The following IFNGR2 variants were observed in gnomAD, a reference collection of about 807,000 sequenced individuals.
IFNGR2 encodes the protein IFN-gamma receptor 2.
A neutral mutation model predicts 41.1 loss-of-function variants in IFNGR2; 15 were observed. That is an observed-to-expected ratio of 0.37 (90% CI 0.24 to 0.56). The LOEUF (loss-of-function observed/expected upper bound fraction) is 0.56. IFNGR2 is among the 20% of genes least tolerant of loss of function. The pLI is 0.81. For missense variants in IFNGR2, 362 were observed against 415.7 expected (o/e 0.87, Z 1.12); for synonymous variants, 161 against 171.6 (o/e 0.94, Z 0.48).
At chr21:33,427,287 G>T (rs2083846682) in intron 4 of IFNGR2, among the ~76,000 whole-genome samples, 1 of 152,110 alleles carries the variant, frequency 6.6e-6, no homozygotes, top group Non-Finnish European at 1.5e-5. Context: ...CCCTTGTGTG[G>T]GGTTGAGACT....
At chr21:33,425,688 G>C (rs2083830482) in intron 3 of IFNGR2, among the ~76,000 whole-genome samples, 1 of 152,212 alleles carries the variant, frequency 6.6e-6, no homozygotes, top group South Asian at 2.1e-4. Context: ...CTGGTGGTGG[G>C]CCAGGCCTGA....
upstream of IFNGR2, chr21:33,403,079 C>G (rs2083650925): frequency 6.9e-6 from 1 of 145,900 alleles, no homozygotes; most frequent in African/African-American, 2.6e-5. Context: ...CGATCAAGCA[C>G]CCGAGAGGAG....
intron 4 of IFNGR2, among the ~76,000 whole-genome samples, chr21:33,427,422 AAC>A (rs1236073897): frequency 6.6e-6 from 1 of 152,188 alleles, no homozygotes; most frequent in Non-Finnish European, 1.5e-5. Flanking sequence ...TAAATGTTTG[AAC>A]AGTTTGTGAA....
intron 2 of IFNGR2, 142 bp from the exon 3 acceptor site, chr21:33,421,331 CAAAAAAA>C (rs569309072): frequency 1.9e-5 from 9 of 461,932 alleles, no homozygotes; most frequent in African/African-American, 1.5e-4. Flanking sequence ...AACTCCATCT[CAAAAAAA>C]AAAAAAAAAA....
intron 4 of IFNGR2, among the ~76,000 whole-genome samples, chr21:33,429,089 G>A (rs1450382329): frequency 2.6e-5 from 4 of 152,146 alleles, no homozygotes; most frequent in Admixed American, 6.5e-5. Flanking sequence ...CAGCTTCCTC[G>A]TGTATAAAAT....
chr21:33,431,939 G>A (rs532087824), intron 4 of IFNGR2, among the ~76,000 whole-genome samples: 3 of 152,262 alleles, frequency 2.0e-5, no homozygotes, highest in Admixed American at 1.3e-4. Context: ...TACTACAATG[G>A]GCACTCTGAG....
At chr21:33,423,329 G>A (rs981300668) in intron 3 of IFNGR2, among the ~76,000 whole-genome samples, 15 of 149,642 alleles carry the variant, frequency 1.0e-4, no homozygotes, top group African/African-American at 2.5e-4. Flanking sequence ...GTGAGCCACC[G>A]CACCCAGCCT....
At chr21:33,405,166 C>T (rs1278616980) in intron 1 of IFNGR2, among the ~76,000 whole-genome samples, 1 of 150,582 alleles carries the variant, frequency 6.6e-6, no homozygotes, top group Admixed American at 6.6e-5. Flanking sequence ...GTGGCTAGAA[C>T]ATTCTTGTGT....
In IFNGR2 at chr21:33,409,673, C is replaced by T. The variant is rs534171891; in HGVS notation, c.74-5215C>T. 4.4e-4 allele frequency among the ~76,000 whole-genome samples: 67 copies of T among 152,250 alleles called. 1 individual carries two copies. The highest frequency in any genetic ancestry group is 2.9e-3 in the Admixed American group (45 of 15,290). On this transcript the variant is annotated intron_variant, in intron 1 of 6. Transcript: ENST00000290219. The stretch of plus-strand genomic sequence containing the variant: ...TTTCTGTAAAGAACTAGACAGTATG[C>T]ACTCAGATGGTTACAGAAGTTTGAT...
At chr21:33,436,235 A>G (rs1189846178) in intron 6 of IFNGR2, among the ~76,000 whole-genome samples, 4 of 150,784 alleles carry the variant, frequency 2.7e-5, no homozygotes, top group Non-Finnish European at 5.9e-5. Context: ...CATGCCTGTA[A>G]TCCCAGCTAC....
chr21:33,427,805 G>A (rs1162131338), intron 4 of IFNGR2, among the ~76,000 whole-genome samples: 6 of 149,670 alleles, frequency 4.0e-5, no homozygotes, highest in African/African-American at 7.4e-5. Flanking sequence ...TTTGTGTTTG[G>A]CTCTGGGCCA....
At chr21:33,429,169 C>T (rs1190118381) in intron 4 of IFNGR2, among the ~76,000 whole-genome samples, 1 of 152,176 alleles carries the variant, frequency 6.6e-6, no homozygotes, top group Non-Finnish European at 1.5e-5. Context: ...TCCCTTTCCT[C>T]CATTTGACCA....
At chr21:33,426,643 C>T (rs2083838141) in intron 3 of IFNGR2, among the ~76,000 whole-genome samples, 1 of 151,806 alleles carries the variant, frequency 6.6e-6, no homozygotes, top group Admixed American at 6.6e-5. Flanking sequence ...TTGCTTGAGC[C>T]CGGGAGGTGG....
chr21:33,415,691 G>A (rs987620761), intron 2 of IFNGR2, among the ~76,000 whole-genome samples: 7 of 152,220 alleles, frequency 4.6e-5, no homozygotes, highest in Admixed American at 1.3e-4. Context: ...ACATGATGAT[G>A]TCCAGTGCTT....
intron 4 of IFNGR2, among the ~76,000 whole-genome samples, chr21:33,429,968 A>C (rs1033142670): frequency 1.3e-5 from 2 of 152,112 alleles, no homozygotes; most frequent in African/African-American, 2.4e-5. Context: ...GTGAAAACCC[A>C]TCTCTACTAA....
chr21:33,407,852 C>CG (rs1555878979), intron 1 of IFNGR2, among the ~76,000 whole-genome samples: 1 of 142,970 alleles, frequency 7.0e-6, no homozygotes, highest in African/African-American at 2.6e-5. Context: ...CCGCACCCCC[C>CG]CCCGCCAACC....
At chr21:33,416,681 G>A (rs1425851369) in intron 2 of IFNGR2, among the ~76,000 whole-genome samples, 1 of 152,010 alleles carries the variant, frequency 6.6e-6, no homozygotes, top group Non-Finnish European at 1.5e-5. Context: ...AATTAGCTGG[G>A]TGTAGTGGCG....
intron 1 of IFNGR2, among the ~76,000 whole-genome samples, chr21:33,411,293 G>A (rs965891646): frequency 5.6e-4 from 85 of 152,242 alleles, no homozygotes; most frequent in African/African-American, 1.9e-3. Context: ...TCCACGCGTC[G>A]CTTGGGGTGG....
chr21:33,414,128 C>T (rs1300937490), intron 1 of IFNGR2, among the ~76,000 whole-genome samples: 2 of 152,092 alleles, frequency 1.3e-5, no homozygotes, highest in African/African-American at 4.8e-5. Flanking sequence ...CCACTGAGCT[C>T]GGGCCGTGTT....
Sources: allele counts gnomAD v4.1 joint callset (sites outside exome capture counted in the v4.1 genomes callset), GRCh38; gene constraint gnomAD v4.1.1; transcripts MANE v1.5; gene names NCBI Gene and HGNC (gene_info 2026-07-23, HGNC 2026-07-21).